Variants in ARHGAP15 observed in about 807,000 individuals in gnomAD.
The protein encoded by ARHGAP15 is rho GTPase-activating protein 15.
In ARHGAP15, 51 loss-of-function variants were observed where a neutral mutation model predicts 63.7. The ratio of observed to expected loss-of-function variants is 0.80; its 90% confidence interval spans 0.64 to 1.01. The LOEUF is 1.01. ARHGAP15 is among the 50% of genes least tolerant of loss of function. ARHGAP15 has a pLI of 0.00. For missense variants in ARHGAP15, 560 were observed against 564.6 expected (o/e 0.99, Z 0.08); for synonymous variants, 191 against 193.8 (o/e 0.99, Z 0.12).
intron 6 of ARHGAP15, among the ~76,000 whole-genome samples, chr2:143,256,501 T>C (rs1680435091): frequency 6.6e-6 from 1 of 152,134 alleles, no homozygotes; most frequent in African/African-American, 2.4e-5. Context: ...CATATTCAAA[T>C]TAATACTTAA....
intron 6 of ARHGAP15, among the ~76,000 whole-genome samples, chr2:143,316,160 G>A (rs1440208304): frequency 5.3e-5 from 8 of 152,056 alleles, no homozygotes; most frequent in African/African-American, 1.7e-4. Flanking sequence ...TGTTCCAGAC[G>A]GGGCATTATT....
chr2:143,496,110 A>G (rs1309785392), intron 9 of ARHGAP15, among the ~76,000 whole-genome samples: 2 of 152,168 alleles, frequency 1.3e-5, no homozygotes, highest in Admixed American at 6.6e-5. Flanking sequence ...ATCTCGGCCT[A>G]CAAGCTTCCT....
chr2:143,548,387 A>G (rs566967679), intron 10 of ARHGAP15, among the ~76,000 whole-genome samples: 3 of 151,876 alleles, frequency 2.0e-5, no homozygotes, highest in South Asian at 2.1e-4. Flanking sequence ...TTCCTTTATT[A>G]TGTGCTCTTT....
intron 2 of ARHGAP15, among the ~76,000 whole-genome samples, chr2:143,163,152 T>G (rs1190792545): frequency 6.6e-6 from 1 of 151,942 alleles, no homozygotes; most frequent in African/African-American, 2.4e-5. Flanking sequence ...AAATGGCACT[T>G]TAAAATCTTG....
chr2:143,494,657 C>T (rs938075904), intron 9 of ARHGAP15, among the ~76,000 whole-genome samples: 1 of 152,008 alleles, frequency 6.6e-6, no homozygotes, highest in African/African-American at 2.4e-5. Context: ...AAATTAGTGA[C>T]TTTGCCCAAA....
intron 6 of ARHGAP15, among the ~76,000 whole-genome samples, chr2:143,421,800 A>ATGTGTG (rs60882246): frequency 2.1e-4 from 3 of 14,408 alleles, no homozygotes; most frequent in African/African-American, 5.9e-4. Flanking sequence ...ATATATATAT[A>ATGTGTG]TGTGTGTGTT....
rs1688170718 is a variant in ARHGAP15 at position 143,405,679 on chromosome 2, A to G, written c.475-29922A>G. 2.0e-5 allele frequency among the ~76,000 whole-genome samples: 3 copies of G among 151,952 alleles called. No individual in the cohort carries two copies. The South Asian group carries it at 6.2e-4, about 31-fold the overall frequency. Reference sequence around the variant, plus strand: ...ATTGGTTGGAATCAAATGTATTACGAGACTCACATTGTCCAAGGCCATCTT... The same window carrying G: ...ATTGGTTGGAATCAAATGTATTACGGGACTCACATTGTCCAAGGCCATCTT... On this transcript the variant is annotated intron_variant, in intron 6 of 13. Transcript: ENST00000295095.
At chr2:143,311,843 C>A (rs1333311154) in intron 6 of ARHGAP15, among the ~76,000 whole-genome samples, 2 of 152,088 alleles carry the variant, frequency 1.3e-5, no homozygotes, top group Non-Finnish European at 2.9e-5. Flanking sequence ...GTTCATTAGC[C>A]CTAGATTCTC....
Position 143,510,018 on chromosome 2 carries a change from T to TAAAAAAAAA in ARHGAP15, c.827-9227_827-9219dup, listed in dbSNP as rs35469918. On this transcript the variant is annotated intron_variant, in intron 9 of 13. Coordinates refer to ENST00000295095, the MANE Select transcript of ARHGAP15 (RefSeq NM_018460.4). ...CTGGCGACAGAGTAAGACTCCCTCT[T>TAAAAAAAAA]AAAAAAAAAAAAAAAAAAAAAAAAA... Among the ~76,000 whole-genome samples, 77 of 48,828 alleles carry TAAAAAAAAA rather than the reference T, an allele frequency of 1.6e-3. 2 individuals are homozygous for TAAAAAAAAA. The highest frequency in any genetic ancestry group is 4.4e-3 in the South Asian group (3 of 688). The allele number at this position is 48,828 out of a possible 152,430, so 32.0% of individuals were successfully genotyped here. A position where few individuals can be genotyped will look rare whatever the true frequency, so the allele number is the denominator to read the frequency against.
intron 8 of ARHGAP15, among the ~76,000 whole-genome samples, chr2:143,472,284 A>T (rs867525906): frequency 1.2e-4 from 18 of 152,216 alleles, no homozygotes; most frequent in African/African-American, 2.6e-4. Context: ...ATATTTTTTT[A>T]AAATTATTAT....
chr2:143,155,803 C>G (rs1690054506), intron 2 of ARHGAP15, 148 bp downstream of exon 2: 1 of 769,562 alleles, frequency 1.3e-6, no homozygotes, highest in South Asian at 2.2e-5. Context: ...TGCATACTTA[C>G]AGTCATGATA....
intron 9 of ARHGAP15, among the ~76,000 whole-genome samples, chr2:143,502,807 T>G (rs1000379421): frequency 1.3e-5 from 2 of 152,130 alleles, no homozygotes; most frequent in Non-Finnish European, 1.5e-5. Flanking sequence ...CTCGAACTCT[T>G]GACCTCAAGT....
At chr2:143,447,718 A>T (rs184786968) in intron 8 of ARHGAP15, among the ~76,000 whole-genome samples, 3 of 152,198 alleles carry the variant, frequency 2.0e-5, no homozygotes, top group Non-Finnish European at 4.4e-5. Flanking sequence ...AAGTAATTGC[A>T]GTTTTGCCAT....
chr2:143,601,773 T>G (rs1697780961), intron 11 of ARHGAP15, among the ~76,000 whole-genome samples: 1 of 152,178 alleles, frequency 6.6e-6, no homozygotes, highest in African/African-American at 2.4e-5. Flanking sequence ...TCTATTTCCT[T>G]TTTATTATGG....
chr2:143,688,789 T>C (rs1038405171), intron 12 of ARHGAP15, among the ~76,000 whole-genome samples: 2 of 152,202 alleles, frequency 1.3e-5, no homozygotes, highest in Non-Finnish European at 2.9e-5. Flanking sequence ...TGTTTTCTTT[T>C]AGGATTTAGT....
At chr2:143,725,990 A>G (rs1685256043) in intron 13 of ARHGAP15, among the ~76,000 whole-genome samples, 1 of 152,252 alleles carries the variant, frequency 6.6e-6, no homozygotes, top group Non-Finnish European at 1.5e-5. Context: ...TTGTGCATGT[A>G]TAAAAGATGG....
chr2:143,144,661 C>T (rs1689506790), intron 1 of ARHGAP15, among the ~76,000 whole-genome samples: 1 of 151,938 alleles, frequency 6.6e-6, no homozygotes, highest in African/African-American at 2.4e-5. Context: ...TTTCATGCAC[C>T]TATGTGTCTA....
At chr2:143,508,928 T>G (rs1007245856) in intron 9 of ARHGAP15, among the ~76,000 whole-genome samples, 1 of 152,150 alleles carries the variant, frequency 6.6e-6, no homozygotes, top group Non-Finnish European at 1.5e-5. Flanking sequence ...CTATGAAAAC[T>G]GAAGACGGCC....
At chr2:143,343,244 G>T (rs1685138462) in intron 6 of ARHGAP15, among the ~76,000 whole-genome samples, 1 of 152,032 alleles carries the variant, frequency 6.6e-6, no homozygotes, top group Non-Finnish European at 1.5e-5. Context: ...GTGGACAAGG[G>T]AGCATGGAGA....
Sources: gnomAD v4.1 joint callset for allele counts (sites outside exome capture counted in the v4.1 genomes callset) on GRCh38, gnomAD v4.1.1 for gene constraint, MANE v1.5 for transcripts, NCBI Gene and HGNC (gene_info 2026-07-23, HGNC 2026-07-21) for gene names.